Variants in SORCS1 observed in about 807,000 individuals in gnomAD.
SORCS1 encodes the protein VPS10 domain-containing receptor SorCS1.
A neutral mutation model predicts 146.1 loss-of-function variants in SORCS1; 60 were observed. That is an observed-to-expected ratio of 0.41 (90% CI 0.33 to 0.51). The LOEUF is 0.51. Ranked by LOEUF, SORCS1 falls within the 20% of genes least tolerant of loss-of-function variation. SORCS1 has a pLI of 0.21. For missense variants in SORCS1, 1,352 were observed against 1,487.6 expected, an observed-to-expected ratio of 0.91 and a Z score of 1.50; for synonymous variants, 637 against 584.0, an observed-to-expected ratio of 1.09 and a Z score of -1.31.
At chr10:107,010,793 G>A (rs892010579) in intron 1 of SORCS1, among the ~76,000 whole-genome samples, 7 of 152,138 alleles carry the variant, frequency 4.6e-5, no homozygotes, top group African/African-American at 1.2e-4. Context: ...ACAGGCAATC[G>A]CAGTGTCTAT....
At chr10:106,808,591 C>T (rs1340678391) in intron 3 of SORCS1, among the ~76,000 whole-genome samples, 2 of 152,088 alleles carry the variant, frequency 1.3e-5, no homozygotes, top group Admixed American at 6.5e-5. Context: ...CAAGCTCCGC[C>T]TCCCGGGTTC....
intron 10 of SORCS1, among the ~76,000 whole-genome samples, chr10:106,684,090 C>A (rs1002610893): frequency 6.6e-6 from 1 of 152,176 alleles, no homozygotes; most frequent in Non-Finnish European, 1.5e-5. Context: ...AATCCCAGCA[C>A]TTTGGGAAGC....
At chr10:106,725,078 T>G (rs1274809055) in intron 6 of SORCS1, among the ~76,000 whole-genome samples, 2 of 151,986 alleles carry the variant, frequency 1.3e-5, no homozygotes, top group Admixed American at 6.6e-5. Context: ...AGGCAGAGGT[T>G]GCAGTGAGCT....
At chr10:106,970,804 C>T (rs995691227) in intron 1 of SORCS1, among the ~76,000 whole-genome samples, 1 of 151,862 alleles carries the variant, frequency 6.6e-6, no homozygotes, top group Non-Finnish European at 1.5e-5. Context: ...AATGGCGTGA[C>T]CCCAGCTCAC....
upstream of SORCS1, among the ~76,000 whole-genome samples, chr10:107,166,898 C>T (rs1970063379): frequency 6.6e-6 from 1 of 152,214 alleles, no homozygotes; most frequent in Non-Finnish European, 1.5e-5. Flanking sequence ...TGCCCTACCA[C>T]CATTTATGTT....
At chr10:106,964,590 G>A (rs1010064046) in intron 1 of SORCS1, among the ~76,000 whole-genome samples, 2 of 152,216 alleles carry the variant, frequency 1.3e-5, no homozygotes, top group African/African-American at 4.8e-5. Flanking sequence ...GGGTTCAAGC[G>A]ATTCTCCTTC....
At chr10:107,116,460 G>A (rs577467356) in intron 1 of SORCS1, among the ~76,000 whole-genome samples, 25 of 151,882 alleles carry the variant, frequency 1.6e-4, no homozygotes, top group African/African-American at 3.4e-4. Flanking sequence ...ACATACATAC[G>A]TACATACACA....
At chr10:106,821,079 A>G (rs1159733070) in intron 3 of SORCS1, among the ~76,000 whole-genome samples, 1 of 152,232 alleles carries the variant, frequency 6.6e-6, no homozygotes, top group South Asian at 2.1e-4. Flanking sequence ...CAGATAGTCT[A>G]TTATGCTTAC....
chr10:106,849,300 T>C (rs1220844048), intron 2 of SORCS1, among the ~76,000 whole-genome samples: 3 of 150,674 alleles, frequency 2.0e-5, no homozygotes, highest in African/African-American at 7.3e-5. Context: ...TATTCTTTTT[T>C]CTCTAAACTT....
intron 3 of SORCS1, among the ~76,000 whole-genome samples, chr10:106,802,395 G>A (rs960705674): frequency 5.3e-5 from 8 of 152,000 alleles, no homozygotes; most frequent in East Asian, 3.9e-4. Flanking sequence ...GCAGTGACAC[G>A]ATCACAGCTC....
chr10:106,649,405 C>A (rs527342933), intron 18 of SORCS1, among the ~76,000 whole-genome samples: 4 of 152,276 alleles, frequency 2.6e-5, no homozygotes, highest in Admixed American at 2.6e-4. Context: ...CCATCACACG[C>A]CTGTTAGGGG....
chr10:107,171,116 TC>T, the SORCS1 span, among the ~76,000 whole-genome samples: 1 of 152,188 alleles, frequency 6.6e-6, no homozygotes, highest in Non-Finnish European at 1.5e-5. Flanking sequence ...AATACCAACT[TC>T]AGTTTGACAC....
At chr10:106,620,667 T>G in intron 19 of SORCS1, 106 bp from the exon 20 acceptor site, 1 of 1,379,216 alleles carries the variant, frequency 7.3e-7, no homozygotes, top group Non-Finnish European at 9.6e-7. Flanking sequence ...CCCCAAAACC[T>G]GGCTGCCATA....
chr10:107,070,153 C>G (rs1962291174), intron 1 of SORCS1, among the ~76,000 whole-genome samples: 1 of 152,184 alleles, frequency 6.6e-6, no homozygotes, highest in African/African-American at 2.4e-5. Flanking sequence ...TAGTATGTAT[C>G]AATACTTCAT....
At chr10:107,146,351 C>G (rs137860753) in intron 1 of SORCS1, among the ~76,000 whole-genome samples, 3 of 152,150 alleles carry the variant, frequency 2.0e-5, no homozygotes, top group African/African-American at 7.2e-5. Flanking sequence ...AAATGTTCAT[C>G]TGATTTCAAA....
At chr10:106,686,920 T>C (rs908136068) in intron 10 of SORCS1, among the ~76,000 whole-genome samples, 1 of 152,136 alleles carries the variant, frequency 6.6e-6, no homozygotes, top group Non-Finnish European at 1.5e-5. Flanking sequence ...CAGAACCGCA[T>C]GAAGAGTGTG....
intron 4 of SORCS1, among the ~76,000 whole-genome samples, chr10:106,764,464 T>C (rs1353362032): frequency 2.0e-5 from 3 of 152,216 alleles, no homozygotes; most frequent in Non-Finnish European, 4.4e-5. Flanking sequence ...TCAATGTCCT[T>C]TAATAAAATT....
intron 2 of SORCS1, among the ~76,000 whole-genome samples, chr10:106,936,364 G>A (rs1400494350): frequency 6.6e-6 from 1 of 152,174 alleles, no homozygotes; most frequent in East Asian, 1.9e-4. Flanking sequence ...ATGCAGTGAA[G>A]AGCTACTCAA....
chr10:107,091,869 CCA>C (rs1310642809), intron 1 of SORCS1, among the ~76,000 whole-genome samples: 1 of 152,120 alleles, frequency 6.6e-6, no homozygotes, highest in Admixed American at 6.6e-5. Context: ...CAAGTAGCTG[CCA>C]CACAGTTTCA....
Sources: allele counts gnomAD v4.1 joint callset (sites outside exome capture counted in the v4.1 genomes callset), GRCh38; gene constraint gnomAD v4.1.1; transcripts MANE v1.5; gene names NCBI Gene and HGNC (gene_info 2026-07-23, HGNC 2026-07-21).